RGS6: variants seen among roughly 807,000 people sequenced by gnomAD.
The protein encoded by RGS6 is regulator of G-protein signaling 6.
A neutral mutation model predicts 78.5 loss-of-function variants in RGS6; 30 were observed. The ratio of observed to expected loss-of-function variants is 0.38; its 90% CI spans 0.29 to 0.52. The LOEUF is 0.52. RGS6 is among the 20% of genes least tolerant of loss of function. RGS6 has a pLI of 0.85. For missense variants in RGS6, 495 were observed against 609.7 expected (o/e 0.81, Z 1.98); for synonymous variants, 206 against 206.0 (o/e 1.00, Z 0.00).
intron 2 of RGS6, among the ~76,000 whole-genome samples, chr14:72,083,380 T>C (rs2094901937): frequency 6.6e-6 from 1 of 152,134 alleles, no homozygotes; most frequent in African/African-American, 2.4e-5. Flanking sequence ...TGCTAAGCCT[T>C]CTACAGTGCA....
At chr14:72,391,439 G>T (rs10136514) in intron 3 of RGS6, among the ~76,000 whole-genome samples, 5,139 of 152,254 alleles carry the variant, frequency 0.034, 310 homozygotes, top group African/African-American at 0.12. Context: ...GAGAGGCAAG[G>T]TACCTGTGTG....
intron 2 of RGS6, among the ~76,000 whole-genome samples, chr14:72,143,266 G>A (rs1012682746): frequency 6.6e-6 from 1 of 151,982 alleles, no homozygotes; most frequent in Admixed American, 6.6e-5. Flanking sequence ...CCAGCTGCTC[G>A]GGAGGCTGAT....
the RGS6 span, among the ~76,000 whole-genome samples, chr14:72,576,867 T>C: frequency 6.6e-6 from 1 of 152,248 alleles, no homozygotes; most frequent in Non-Finnish European, 1.5e-5. Flanking sequence ...AAATTCTGCA[T>C]CTGGGCTCCA....
intron 13 of RGS6, among the ~76,000 whole-genome samples, chr14:72,506,104 C>A (rs186532077): frequency 6.6e-6 from 1 of 152,316 alleles, no homozygotes; most frequent in East Asian, 1.9e-4. Flanking sequence ...AGGATAAGGA[C>A]ACTTCATCCA....
Position 72,068,528 on chromosome 14 carries a change from C to A in RGS6, c.84+103653C>A, listed in dbSNP as rs188106173. The stretch of plus-strand genomic sequence containing the variant: ...TTTTTTTTTTTTTGAGACAGAGTCT[C>A]GCTTTGTCGCCCAGGCTGGAGTGCA... On this transcript the variant is annotated intron_variant, in intron 2 of 17. Transcript: ENST00000553525. Among the ~76,000 whole-genome samples, 61 of 131,292 alleles carry A rather than the reference C, an allele frequency of 4.6e-4. 1 individual carries two copies. In the East Asian group the frequency reaches 0.013, roughly 29 times the overall value. The allele number at this position is 131,292 out of a possible 152,430, so 86.1% of individuals were successfully genotyped here.
At chr14:72,363,999 T>TA (rs55943058) in intron 3 of RGS6, among the ~76,000 whole-genome samples, 5,722 of 46,684 alleles carry the variant, frequency 0.12, 853 homozygotes, top group Middle Eastern at 0.17. Context: ...TGGACAAGGC[T>TA]AAAAAAAAAA....
intron 2 of RGS6, among the ~76,000 whole-genome samples, chr14:72,178,027 T>G (rs1460407337): frequency 6.6e-6 from 1 of 152,190 alleles, no homozygotes; most frequent in Non-Finnish European, 1.5e-5. Flanking sequence ...TAGGTGCTAG[T>G]CTGTTTCCTC....
the RGS6 span, among the ~76,000 whole-genome samples, chr14:71,923,767 G>A: frequency 6.6e-6 from 1 of 152,092 alleles, no homozygotes. Flanking sequence ...CAGATCAGTA[G>A]TCACCAGGAG....
intron 3 of RGS6, among the ~76,000 whole-genome samples, chr14:72,382,583 A>G (rs544753133): frequency 2.0e-5 from 3 of 152,226 alleles, no homozygotes; most frequent in African/African-American, 7.2e-5. Context: ...TGGCATCTCC[A>G]CTCCAAGGAA....
At chr14:72,430,061 A>G (rs925595880) in intron 3 of RGS6, among the ~76,000 whole-genome samples, 1 of 152,186 alleles carries the variant, frequency 6.6e-6, no homozygotes, top group African/African-American at 2.4e-5. Flanking sequence ...TTTTTCCTTT[A>G]TAAATTAACC....
chr14:71,949,635 CTT>C (rs377643127), intron 1 of RGS6, among the ~76,000 whole-genome samples: 51 of 152,152 alleles, frequency 3.4e-4, no homozygotes, highest in Middle Eastern at 3.4e-3. Flanking sequence ...CTTTCACTCT[CTT>C]TTGATGAATT....
intron 2 of RGS6, among the ~76,000 whole-genome samples, chr14:72,285,222 T>G (rs1280767804): frequency 6.6e-6 from 1 of 152,112 alleles, no homozygotes; most frequent in African/African-American, 2.4e-5. Context: ...ACATGAGATT[T>G]GGGAGGGGCC....
At chr14:72,062,491 T>G (rs2093942001) in intron 2 of RGS6, among the ~76,000 whole-genome samples, 1 of 152,236 alleles carries the variant, frequency 6.6e-6, no homozygotes, top group Non-Finnish European at 1.5e-5. Flanking sequence ...GCAAGGAGAC[T>G]TTTGCATGAG....
In RGS6 at chr14:72,465,794, C is replaced by T. The variant is rs2095894690; in HGVS notation, c.431C>T (p.Ala144Val). ...TGTAAGAGGACAATGCAAAATAAAG[C>T]AAGGCTGGAACTGGCAGATTATGAA... is the stretch of plus-strand genomic sequence containing the variant. The part of the protein sequence containing the change: ...YLCKRTMQNK[A>V]RLELADYEAE... The change falls in exon 7 of 18, where the codon GCA (alanine) becomes GTA (valine). Residue 144 changes from alanine to valine, a missense_variant. Ala to Val is a moderately conservative substitution (Grantham distance 64). Transcript: ENST00000553525. The T allele has an allele frequency of 6.2e-7, 1 of 1,613,760 alleles. No individual in the cohort carries two copies. The highest frequency in any genetic ancestry group is 8.5e-7 in the Non-Finnish European group (1 of 1,179,796).
At chr14:72,074,730 G>A (rs2094518589) in intron 2 of RGS6, among the ~76,000 whole-genome samples, 2 of 152,046 alleles carry the variant, frequency 1.3e-5, no homozygotes. Flanking sequence ...ATATGCAAGA[G>A]GGTGTAAATG....
downstream of RGS6, among the ~76,000 whole-genome samples, chr14:72,567,954 C>T (rs1373911493): frequency 1.3e-5 from 2 of 152,356 alleles, no homozygotes; most frequent in East Asian, 1.9e-4. Context: ...CTGCCCCAGA[C>T]CCCATACACA....
At chr14:72,188,320 C>T (rs1023555488) in intron 2 of RGS6, among the ~76,000 whole-genome samples, 2 of 152,118 alleles carry the variant, frequency 1.3e-5, no homozygotes, top group Non-Finnish European at 2.9e-5. Context: ...AGCCCTGTAT[C>T]TCTCCCCAGA....
chr14:72,425,047 A>C (rs1204492314), intron 3 of RGS6, among the ~76,000 whole-genome samples: 1 of 152,248 alleles, frequency 6.6e-6, no homozygotes, highest in Non-Finnish European at 1.5e-5. Flanking sequence ...AACAACAGCT[A>C]ATGAAAGCAC....
At chr14:72,532,786 T>C (rs930843162) in intron 15 of RGS6, among the ~76,000 whole-genome samples, 1 of 152,252 alleles carries the variant, frequency 6.6e-6, no homozygotes, top group Non-Finnish European at 1.5e-5. Context: ...CCTACCTTGC[T>C]TCAATTCTAT....
Sources: allele counts gnomAD v4.1 joint callset (sites outside exome capture counted in the v4.1 genomes callset), GRCh38; gene constraint gnomAD v4.1.1; transcripts MANE v1.5; gene names NCBI Gene and HGNC (gene_info 2026-07-23, HGNC 2026-07-21).